PRKN: variants seen among roughly 807,000 people sequenced by gnomAD.
PRKN encodes the protein E3 ubiquitin-protein ligase parkin.
PRKN carries 56 observed loss-of-function variants against 59.5 expected under a neutral mutation model. The observed-to-expected ratio is 0.94, with a 90% CI of 0.76 to 1.18. The LOEUF is 1.18. Ranked by LOEUF, PRKN falls within the 50% of genes most tolerant of loss-of-function variation. The pLI, the probability that PRKN is intolerant of heterozygous loss-of-function variation, is 0.00. For synonymous variants in PRKN, 250 were observed against 222.1 expected (o/e 1.13, Z -1.12); for missense variants, 657 against 596.4 (o/e 1.10, Z -1.06).
intron 7 of PRKN, among the ~76,000 whole-genome samples, chr6:161,678,296 A>G (rs1381486611): frequency 8.0e-6 from 1 of 125,604 alleles, no homozygotes; most frequent in Non-Finnish European, 1.5e-5. Flanking sequence ...TGGCTTTACC[A>G]TTCCTAGCTG....
intron 9 of PRKN, among the ~76,000 whole-genome samples, chr6:161,441,379 T>A (rs1436102944): frequency 6.6e-6 from 1 of 152,114 alleles, no homozygotes; most frequent in Non-Finnish European, 1.5e-5. Flanking sequence ...GTGCGGTGGT[T>A]CATGCCTACA....
intron 4 of PRKN, among the ~76,000 whole-genome samples, chr6:162,126,602 C>T (rs1781134016): frequency 6.6e-6 from 1 of 152,024 alleles, no homozygotes; most frequent in Non-Finnish European, 1.5e-5. Context: ...GTGAGGAGCC[C>T]CTCCTCTCCT....
At chr6:161,678,950 T>C (rs897232889) in intron 7 of PRKN, among the ~76,000 whole-genome samples, 1 of 152,212 alleles carries the variant, frequency 6.6e-6, no homozygotes, top group Non-Finnish European at 1.5e-5. Flanking sequence ...ACGATGCTTA[T>C]TGGTGACCCC....
chr6:161,551,932 G>A lies in PRKN; in HGVS notation c.934-2929C>T, dbSNP rs564895451. 4.6e-4 allele frequency among the ~76,000 whole-genome samples: 70 copies of A among 152,282 alleles called. No individual in the cohort carries two copies. Among genetic ancestry groups the A allele is most frequent in the Middle Eastern group, 6.8e-3 (2 of 294 alleles). ...TGTGTGGAGGGTTGGCCTTCAGAGA[G>A]CAGGCAGCCATCCTTAGGAAGAGGA... On this transcript the variant is annotated intron_variant, in intron 8 of 11. Transcript: ENST00000366898. The surrounding 1 kb of genome is among the most constrained non-coding windows in gnomAD (Gnocchi z 5.2).
intron 8 of PRKN, among the ~76,000 whole-genome samples, chr6:161,567,067 G>A (rs941465): frequency 7.1e-6 from 1 of 139,988 alleles, no homozygotes; most frequent in East Asian, 2.1e-4. Context: ...GTGAGAGAGG[G>A]TCACTCTGTA....
chr6:161,620,642 G>T (rs1562564070), intron 7 of PRKN, among the ~76,000 whole-genome samples: 1 of 152,146 alleles, frequency 6.6e-6, no homozygotes, highest in Admixed American at 6.5e-5. Context: ...TCCTGGACAG[G>T]ATTACCTCTC....
chr6:162,265,708 G>C (rs1780098438), intron 2 of PRKN, among the ~76,000 whole-genome samples: 1 of 152,074 alleles, frequency 6.6e-6, no homozygotes, highest in Non-Finnish European at 1.5e-5. Flanking sequence ...TTCCCAGAAA[G>C]CTTCTACCTG....
chr6:162,054,705 T>C (rs1184369450), intron 4 of PRKN, among the ~76,000 whole-genome samples: 1 of 152,190 alleles, frequency 6.6e-6, no homozygotes, highest in Non-Finnish European at 1.5e-5. Context: ...CAAGCTTCCC[T>C]AGGCATCAAA....
chr6:162,339,495 G>C (rs1212416114), intron 2 of PRKN, among the ~76,000 whole-genome samples: 1 of 129,866 alleles, frequency 7.7e-6, no homozygotes. Context: ...CCGGCCAGCC[G>C]CCCCGTCCGG....
intron 7 of PRKN, among the ~76,000 whole-genome samples, chr6:161,780,677 C>T (rs951583142): frequency 3.3e-5 from 5 of 151,884 alleles, no homozygotes; most frequent in Admixed American, 6.6e-5. Flanking sequence ...AATGAGAAAA[C>T]GGCAACACTG....
chr6:162,372,922 G>C (rs950825919), intron 2 of PRKN, among the ~76,000 whole-genome samples: 1 of 152,152 alleles, frequency 6.6e-6, no homozygotes, highest in Admixed American at 6.6e-5. Flanking sequence ...AGATTCTCTA[G>C]ATGTGTTGAT....
At chr6:162,514,287 A>G (rs1315719574) in intron 1 of PRKN, among the ~76,000 whole-genome samples, 1 of 150,338 alleles carries the variant, frequency 6.7e-6, no homozygotes, top group Non-Finnish European at 1.5e-5. Flanking sequence ...TTTTTTTCTG[A>G]AAAAGTAAAC....
At chr6:161,933,292 A>C (rs1779234607) in intron 6 of PRKN, among the ~76,000 whole-genome samples, 1 of 152,174 alleles carries the variant, frequency 6.6e-6, no homozygotes, top group Non-Finnish European at 1.5e-5. Flanking sequence ...ACAAAAACAA[A>C]AACAAAACTG....
chr6:161,793,315 C>G (rs991559671), intron 6 of PRKN, among the ~76,000 whole-genome samples: 2 of 152,074 alleles, frequency 1.3e-5, no homozygotes, highest in African/African-American at 2.4e-5. Context: ...CACTAACTAC[C>G]CCTTCTGGTT....
Position 162,169,735 on chromosome 6 carries a change from G to A in PRKN, c.534+31396C>T, listed in dbSNP as rs149932643. 2.2e-3 allele frequency among the ~76,000 whole-genome samples: 337 copies of A among 152,292 alleles called. 4 individuals carry two copies. The highest frequency in any genetic ancestry group is 4.6e-3 in the Admixed American group (71 of 15,300). ...TTAGTGACTCAGTTGTTAAAACTGC[G>A]TTACAGCTGCATTTGCTCCCAAAAA... On this transcript the variant is annotated intron_variant, in intron 4 of 11. Transcript: ENST00000366898.
rs949988976 is a variant in PRKN at position 162,009,673 on chromosome 6, T to C, written c.619-36256A>G. Among the ~76,000 whole-genome samples, 4 of 151,540 alleles carry C rather than the reference T, an allele frequency of 2.6e-5. No homozygotes were observed. The East Asian group carries it at 5.9e-4, about 22-fold the overall frequency. On this transcript the variant is annotated intron_variant, in intron 5 of 11. Coordinates refer to ENST00000366898, the MANE Select transcript of PRKN (RefSeq NM_004562.3). ...TCTCGCGGCTGGGCATGGTGGCTCATGCCTGTAATCCCAGCACTTTGGGAA... is the reference window on the plus strand; with the variant it reads ...TCTCGCGGCTGGGCATGGTGGCTCACGCCTGTAATCCCAGCACTTTGGGAA...
chr6:162,711,137 C>A (rs1584097324), intron 1 of PRKN, among the ~76,000 whole-genome samples: 1 of 152,198 alleles, frequency 6.6e-6, no homozygotes, highest in East Asian at 1.9e-4. Flanking sequence ...GACCAGTCAG[C>A]ACATTTCTCT....
chr6:161,733,461 A>G (rs1368508586), intron 7 of PRKN, among the ~76,000 whole-genome samples: 1 of 152,144 alleles, frequency 6.6e-6, no homozygotes, highest in African/African-American at 2.4e-5. Flanking sequence ...CTGCATTCGC[A>G]TTTCTTGGGA....
intron 7 of PRKN, among the ~76,000 whole-genome samples, chr6:161,670,601 G>C (rs1481399723): frequency 6.6e-6 from 1 of 152,176 alleles, no homozygotes; most frequent in Non-Finnish European, 1.5e-5. Flanking sequence ...GGATCATGAG[G>C]TCAGGAGATC....
Sources: gnomAD v4.1 joint callset for allele counts (sites outside exome capture counted in the v4.1 genomes callset) on GRCh38, gnomAD v4.1.1 for gene constraint, Gnocchi (gnomAD v3.1) non-coding constraint, MANE v1.5 for transcripts, NCBI Gene and HGNC (gene_info 2026-07-23, HGNC 2026-07-21) for gene names.